Variants in NPAS3 observed in about 807,000 individuals in gnomAD.
NPAS3 encodes the protein neuronal PAS domain-containing protein 3.
A neutral mutation model predicts 73.1 loss-of-function variants in NPAS3; 14 were observed. The observed-to-expected ratio is 0.19, with a 90% CI of 0.13 to 0.30. NPAS3 has a LOEUF of 0.30. NPAS3 is among the 10% of genes least tolerant of loss of function. The probability of loss-of-function intolerance (pLI) is 1.00; values close to 1 mark genes in which losing one functional copy is unlikely to be tolerated. For synonymous variants in NPAS3, 620 were observed against 541.5 expected, an observed-to-expected ratio of 1.14 and a Z score of -2.01; for missense variants, 1,096 against 1,250.0, an observed-to-expected ratio of 0.88 and a Z score of 1.86.
intron 4 of NPAS3, among the ~76,000 whole-genome samples, chr14:33,389,686 AT>A (rs144695769): frequency 2.0e-5 from 3 of 152,228 alleles, no homozygotes; most frequent in African/African-American, 7.2e-5. Flanking sequence ...CATCTTTATT[AT>A]TTTTCATCTT....
At position 33,006,050 on chromosome 14, in the gene NPAS3, C is replaced by T. The variant is rs573907170; in HGVS notation, c.51-49855C>T. On this transcript the variant is annotated intron_variant, in intron 1 of 11. Coordinates refer to ENST00000356141, the Ensembl canonical transcript of NPAS3. ...TTGACCTCAGCCTCCTCCCCTGACT[C>T]GGCACATTGACCACTTCCTTCATCT... Among the ~76,000 whole-genome samples the T allele has an allele frequency of 3.9e-5, 6 of 152,270 alleles. No homozygotes were observed. The East Asian group carries it at 9.7e-4, about 25-fold the overall frequency.
At chr14:33,023,870 G>A (rs557816137) in intron 1 of NPAS3, among the ~76,000 whole-genome samples, 1 of 152,128 alleles carries the variant, frequency 6.6e-6, no homozygotes, top group African/African-American at 2.4e-5. Context: ...GTCTCACATA[G>A]GCATACATTT....
At chr14:33,801,160 C>T (rs543870816), downstream of NPAS3, 32 of 1,533,342 alleles carry the variant, frequency 2.1e-5, no homozygotes, top group South Asian at 1.2e-5. Flanking sequence ...GAGGCATCGT[C>T]GGCATTTTCG....
intron 7 of NPAS3, among the ~76,000 whole-genome samples, chr14:33,770,237 CA>C (rs2062608928): frequency 6.6e-6 from 1 of 152,088 alleles, no homozygotes; most frequent in Non-Finnish European, 1.5e-5. Context: ...ACCCATTTGC[CA>C]GATATTCTCA....
At chr14:33,175,047 G>C (rs1246834441) in intron 2 of NPAS3, among the ~76,000 whole-genome samples, 1 of 152,172 alleles carries the variant, frequency 6.6e-6, no homozygotes, top group Non-Finnish European at 1.5e-5. Flanking sequence ...TAGTATTGTA[G>C]ATATGTCCTA....
At chr14:33,222,267 G>A (rs1460694860) in intron 3 of NPAS3, among the ~76,000 whole-genome samples, 1 of 152,140 alleles carries the variant, frequency 6.6e-6, no homozygotes, top group Non-Finnish European at 1.5e-5. Flanking sequence ...CAGTTCTATC[G>A]TGCATGATGC....
At chr14:33,727,152 G>A (rs1203227330) in intron 6 of NPAS3, among the ~76,000 whole-genome samples, 1 of 152,096 alleles carries the variant, frequency 6.6e-6, no homozygotes, top group Non-Finnish European at 1.5e-5. Flanking sequence ...TGGCCAGAAT[G>A]TTAAAAAAAT....
At chr14:33,408,583 A>G (rs2047772434) in intron 4 of NPAS3, among the ~76,000 whole-genome samples, 1 of 152,170 alleles carries the variant, frequency 6.6e-6, no homozygotes, top group Admixed American at 6.6e-5. Context: ...CAATTATCTT[A>G]TTAAACCGGA....
intron 9 of NPAS3, among the ~76,000 whole-genome samples, chr14:33,791,166 C>T (rs985277096): frequency 2.0e-5 from 3 of 152,150 alleles, no homozygotes; most frequent in Non-Finnish European, 4.4e-5. Context: ...CAGTCAAACT[C>T]GTCCTCTTCA....
intron 6 of NPAS3, among the ~76,000 whole-genome samples, chr14:33,714,108 C>T (rs2060895021): frequency 6.6e-6 from 1 of 152,008 alleles, no homozygotes; most frequent in South Asian, 2.1e-4. Flanking sequence ...GCACATTGTG[C>T]ACATGTACCC....
Position 32,967,599 on chromosome 14 carries a change from C to G in NPAS3, c.50+28233C>G, listed in dbSNP as rs141654901. ...GTACATGAATAAATGTTCGATGTCA[C>G]TAATCATCAGGGAAATGCACATCAA... is the stretch of plus-strand genomic sequence containing the variant. On this transcript the variant is annotated intron_variant, in intron 1 of 11. Coordinates refer to ENST00000356141, the Ensembl canonical transcript of NPAS3. 1.1e-3 allele frequency among the ~76,000 whole-genome samples: 169 copies of G among 152,246 alleles called. No individual in the cohort carries two copies. The East Asian group carries it at 0.014, about 13-fold the overall frequency.
chr14:33,765,298 A>T (rs936681067), intron 7 of NPAS3, among the ~76,000 whole-genome samples: 271 of 72,690 alleles, frequency 3.7e-3, no homozygotes, highest in African/African-American at 0.015. Context: ...TTTCTGCATT[A>T]AAAAAAAAAA....
intron 6 of NPAS3, among the ~76,000 whole-genome samples, chr14:33,697,060 C>T (rs935444902): frequency 3.3e-5 from 5 of 152,194 alleles, no homozygotes; most frequent in African/African-American, 7.2e-5. Context: ...TCTTCTACTT[C>T]GTGTTTATAA....
intron 1 of NPAS3, among the ~76,000 whole-genome samples, chr14:33,017,754 T>C (rs909930141): frequency 3.3e-5 from 5 of 152,168 alleles, no homozygotes; most frequent in African/African-American, 4.8e-5. Context: ...AAATGGTAGC[T>C]AGTGCTTATT....
chr14:33,361,766 T>G (rs886781433), intron 3 of NPAS3, among the ~76,000 whole-genome samples: 13 of 152,232 alleles, frequency 8.5e-5, no homozygotes, highest in African/African-American at 2.9e-4. Context: ...ATAGTTTTTT[T>G]GTTTTTAAAA....
chr14:33,295,453 T>C (rs2042258197), intron 3 of NPAS3, among the ~76,000 whole-genome samples: 1 of 152,198 alleles, frequency 6.6e-6, no homozygotes, highest in Admixed American at 6.5e-5. Context: ...CTCAGCCTTC[T>C]AGATACTACT....
chr14:33,669,768 G>T (rs940378401), intron 5 of NPAS3, among the ~76,000 whole-genome samples: 1 of 152,056 alleles, frequency 6.6e-6, no homozygotes, highest in Non-Finnish European at 1.5e-5. Context: ...CTATTTCCCC[G>T]ACAGTCTGCT....
At chr14:33,690,020 G>C (rs140611334) in intron 6 of NPAS3, among the ~76,000 whole-genome samples, 24 of 152,262 alleles carry the variant, frequency 1.6e-4, no homozygotes, top group Non-Finnish European at 3.2e-4. Context: ...TGACGTGCTT[G>C]ACCGATATTT....
At chr14:33,438,083 C>T (rs2049069108) in intron 4 of NPAS3, among the ~76,000 whole-genome samples, 1 of 152,064 alleles carries the variant, frequency 6.6e-6, no homozygotes, top group African/African-American at 2.4e-5. Context: ...ATATGTATGT[C>T]AGTCAAATGA....
Sources: allele counts gnomAD v4.1 joint callset (sites outside exome capture counted in the v4.1 genomes callset), GRCh38; gene constraint gnomAD v4.1.1; transcripts MANE v1.5; gene names NCBI Gene and HGNC (gene_info 2026-07-23, HGNC 2026-07-21).